BRCA2: variants seen among roughly 807,000 people sequenced by gnomAD.
BRCA2 encodes breast cancer type 2 susceptibility protein.
A neutral mutation model predicts 276.7 loss-of-function variants in BRCA2; 203 were observed. The ratio of observed to expected loss-of-function variants is 0.73; its 90% CI spans 0.65 to 0.82. The LOEUF is 0.82. Ranked by LOEUF, BRCA2 falls within the 40% of genes least tolerant of loss-of-function variation. The pLI, the probability that BRCA2 is intolerant of heterozygous loss-of-function variation, is 0.00. For missense variants in BRCA2, 3,920 were observed against 3,915.0 expected (o/e 1.00, Z -0.03); for synonymous variants, 1,289 against 1,338.4 (o/e 0.96, Z 0.81).
chr13:32,344,485 T>C (rs11571673), intron 11 of BRCA2, 73 bp from the exon 12 acceptor site: 1 of 955,306 alleles, frequency 1.0e-6, no homozygotes, highest in East Asian at 2.5e-5. Context: ...TTTAAAAAAA[T>C]GGTCTATAGA....
chr13:32,368,783 GTTTTTTGTTTTTTTGT>G (rs984707315), intron 18 of BRCA2, among the ~76,000 whole-genome samples: 2 of 144,014 alleles, frequency 1.4e-5, no homozygotes, highest in African/African-American at 5.2e-5. Flanking sequence ...TTTGTTGTTT[GTTTTTTGTTTTTTTGT>G]TTTTTTTTTG....
intron 18 of BRCA2, among the ~76,000 whole-genome samples, chr13:32,367,980 G>A (rs935383673): frequency 2.1e-5 from 3 of 142,668 alleles, no homozygotes; most frequent in Admixed American, 2.1e-4. Flanking sequence ...CCTCAAATTA[G>A]GGTTGTCTTT....
intron 11 of BRCA2, among the ~76,000 whole-genome samples, chr13:32,343,048 G>GAA (rs398022213): frequency 4.9e-5 from 7 of 142,288 alleles, no homozygotes; most frequent in South Asian, 2.2e-4. Flanking sequence ...GACTCCATCT[G>GAA]AAAAAAAAAA....
chr13:32,324,011 G>A (rs1289593482), intron 3 of BRCA2, among the ~76,000 whole-genome samples: 3 of 152,162 alleles, frequency 2.0e-5, no homozygotes, highest in African/African-American at 4.8e-5. Context: ...ATTACTGTCT[G>A]CAACTCACTT....
At chr13:32,327,919 A>G (rs574461774) in intron 7 of BRCA2, among the ~76,000 whole-genome samples, 4 of 152,000 alleles carry the variant, frequency 2.6e-5, no homozygotes, top group African/African-American at 7.2e-5. Context: ...TACAGGTACC[A>G]TGCCACCAGT....
rs2137670742 is a variant in BRCA2, at chr13:32,399,261, G to A, written c.*491G>A. 1 of 202,946 alleles carries A rather than the reference G, an allele frequency of 4.9e-6. No homozygotes were observed. Among genetic ancestry groups the A allele is most frequent in the East Asian group, 7.8e-5 (1 of 12,808 alleles). The allele number at this position is 202,946 out of a possible 1,614,324, so 12.6% of individuals were successfully genotyped here. On this transcript the variant is annotated 3_prime_UTR_variant, in exon 27 of 27. Transcript: ENST00000380152. ...TAGATTGTGTCATTAAATGGAATGA[G>A]GTCTCTTAGTACAGTTATTTTGATG...
chr13:32,385,641 A>G (rs548451065), intron 24 of BRCA2: 22 of 245,716 alleles, frequency 9.0e-5, no homozygotes, highest in African/African-American at 5.1e-4. Flanking sequence ...AAATGATAAG[A>G]TCACCTGTAT....
Position 32,336,557 on chromosome 13 carries a change from G to A in BRCA2, c.2202G>A (p.Leu734=), listed in dbSNP as rs2137484178. 1 of 1,613,978 alleles carries A rather than the reference G, an allele frequency of 6.2e-7. No individual in the cohort carries two copies. The highest frequency in any genetic ancestry group is 1.3e-5 in the African/African-American group (1 of 75,026). Residue 734 remains leucine, a synonymous_variant, in exon 11 of 27, where the codon TTG becomes TTA. Transcript: ENST00000380152. The part of the protein sequence containing the change: ...KKVSDIKEEV[L]AAACHPVQHS... The stretch of plus-strand genomic sequence containing the variant: ...TTTCAGATATAAAAGAAGAGGTCTT[G>A]GCTGCAGCATGTCACCCAGTACAAC...
intron 16 of BRCA2, among the ~76,000 whole-genome samples, chr13:32,359,278 C>A (rs983638835): frequency 4.0e-5 from 6 of 149,308 alleles, no homozygotes; most frequent in Non-Finnish European, 1.5e-5. Flanking sequence ...ATGGTAGATT[C>A]CTCCCCCGAC....
At chr13:32,396,874 C>T (rs1184887899) in intron 25 of BRCA2, 24 bp from the exon 26 acceptor site, 1 of 1,613,664 alleles carries the variant, frequency 6.2e-7, no homozygotes, top group African/African-American at 1.3e-5. Context: ...ATTTATAAAG[C>T]AGCTTTTCCA....
chr13:32,327,804 T>C (rs985394566), intron 7 of BRCA2, among the ~76,000 whole-genome samples: 2 of 151,624 alleles, frequency 1.3e-5, no homozygotes, highest in Non-Finnish European at 2.9e-5. Flanking sequence ...GGTTCTTCTC[T>C]GTTGCCCAGG....
intron 18 of BRCA2, among the ~76,000 whole-genome samples, chr13:32,369,909 AC>A (rs765657005): frequency 2.0e-5 from 3 of 152,198 alleles, no homozygotes; most frequent in Non-Finnish European, 4.4e-5. Flanking sequence ...AGCGCTTAAC[AC>A]CATGCCAGGT....
In BRCA2 at chr13:32,340,240, T is replaced by G. The variant is rs1060502377; in HGVS notation, c.5885T>G (p.Ile1962Arg). The G allele has an allele frequency of 6.2e-7, 1 of 1,613,994 alleles. No homozygotes were observed. The highest frequency in any genetic ancestry group is 8.5e-7 in the Non-Finnish European group (1 of 1,179,904). The change falls in exon 11 of 27, where the codon ATA (isoleucine) becomes AGA (arginine). Residue 1962 changes from isoleucine (I) to arginine (R), a missense_variant. By Grantham distance (97) the Ile-to-Arg change is moderately conservative. Around this residue, in one of 2 missense-constraint regions of BRCA2, gnomAD observed 3,263 missense variants for 3,156.9 expected, o/e 1.03. Coordinates refer to ENST00000380152, the MANE Select transcript of BRCA2 (RefSeq NM_000059.4). ...ACTTCAGATATATGTAAATGTAGTA[T>G]AGGGAAGCTTCATAAGTCAGTCTCA... ...LETSDICKCSIGKLHKSVSSA... is the reference protein window; with the variant it reads ...LETSDICKCSRGKLHKSVSSA...
rs1291364563 is a variant in BRCA2, at chr13:32,355,102, C to A, written c.7249C>A (p.His2417Asn). The A allele has an allele frequency of 6.2e-7, 1 of 1,613,652 alleles. No individual in the cohort carries two copies. The highest frequency in any genetic ancestry group is 1.1e-5 in the South Asian group (1 of 91,062). ...VPPFKTKSHF[H>N]RVEQCVRNIN... The stretch of plus-strand genomic sequence containing the variant: ...ACCTTTTAAAACTAAATCACATTTT[C>A]ACAGAGTTGAACAGTGTGTTAGGAA... The change falls in exon 14 of 27, where the codon CAC (histidine) becomes AAC (asparagine). Residue 2417 changes from histidine (H) to asparagine (N), a missense_variant. This residue lies in a region of BRCA2 where 3,263 missense variants were observed against 3,156.9 expected (regional missense o/e 1.03). Coordinates refer to ENST00000380152, the MANE Select transcript of BRCA2 (RefSeq NM_000059.4).
In BRCA2 at chr13:32,376,734, A is replaced by G. The variant is rs786203707; in HGVS notation, c.8697A>G (p.Gln2899=). Residue 2899 remains glutamine (Q), a synonymous_variant, in exon 21 of 27, where the codon CAA becomes CAG. Transcript: ENST00000380152. The part of the protein sequence containing the change: ...ALTRQQVRAL[Q]DGAELYEAVK... ...CAAGACAGCAAGTTCGTGCTTTGCA[A>G]GATGGTGCAGAGCTTTATGAAGCAG... The G allele has an allele frequency of 2.4e-5, 38 of 1,614,198 alleles. No homozygotes were observed. Among genetic ancestry groups the G allele is most frequent in the Non-Finnish European group, 3.1e-5 (37 of 1,180,042 alleles).
At chr13:32,384,749 T>C (rs1253632099) in intron 24 of BRCA2, 1 of 255,098 alleles carries the variant, frequency 3.9e-6, no homozygotes, top group Non-Finnish European at 8.5e-6. Flanking sequence ...TTAAAGATGA[T>C]GAAATGCCTG....
At chr13:32,394,135 T>TA (rs755798206) in intron 24 of BRCA2, among the ~76,000 whole-genome samples, 12 of 152,356 alleles carry the variant, frequency 7.9e-5, no homozygotes, top group African/African-American at 2.9e-4. Flanking sequence ...ACTCTTTTTT[T>TA]ACAGCTACGT....
chr13:32,358,002 C>T (rs1593921201), intron 16 of BRCA2, 73 bp downstream of exon 16: 1 of 1,531,302 alleles, frequency 6.5e-7, no homozygotes, highest in East Asian at 2.3e-5. Context: ...TTAACTGTCT[C>T]TCGAACTAAA....
In BRCA2 at chr13:32,332,844, G is replaced by A. The variant is rs778142232; in HGVS notation, c.1366G>A (p.Glu456Lys). 3.1e-6 allele frequency: 5 copies of A among 1,611,620 alleles called. No homozygotes were observed. In the South Asian group the frequency reaches 5.5e-5, roughly 18 times the overall value. ...ACGTATTTCTAGCCTACCAAAATCA[G>A]AGAAGCCATTAAATGAGGAAACAGT... ...LPRISSLPKSEKPLNEETVVN... is the reference protein window; with the variant it reads ...LPRISSLPKSKKPLNEETVVN... Residue 456 changes from glutamate to lysine, a missense_variant, in exon 10 of 27, where the codon GAG becomes AAG. By Grantham distance (56) the Glu-to-Lys change is moderately conservative. This residue lies in a region of BRCA2 where 3,263 missense variants were observed against 3,156.9 expected (regional missense o/e 1.03). Coordinates refer to ENST00000380152, the MANE Select transcript of BRCA2 (RefSeq NM_000059.4).
Sources: allele counts gnomAD v4.1 joint callset (sites outside exome capture counted in the v4.1 genomes callset), GRCh38; gene constraint gnomAD v4.1.1; regional missense constraint gnomAD v4.1.1; transcripts MANE v1.5; gene names NCBI Gene and HGNC (gene_info 2026-07-23, HGNC 2026-07-21).